CACNA1D: variants seen among roughly 807,000 people sequenced by gnomAD.
CACNA1D encodes voltage-dependent L-type calcium channel subunit alpha-1D.
In CACNA1D, 55 loss-of-function variants were observed where a neutral mutation model predicts 257.1. That is an observed-to-expected ratio of 0.21 (90% CI 0.17 to 0.27). CACNA1D has a LOEUF of 0.27. CACNA1D is among the 10% of genes least tolerant of loss of function. The pLI, the probability that CACNA1D is intolerant of heterozygous loss-of-function variation, is 1.00. For missense variants in CACNA1D, 1,876 were observed against 2,784.0 expected (o/e 0.67, Z 7.34); for synonymous variants, 980 against 1,014.9 (o/e 0.97, Z 0.65).
chr3:53,552,179 T>C (rs973276743), intron 3 of CACNA1D, among the ~76,000 whole-genome samples: 2 of 152,170 alleles, frequency 1.3e-5, no homozygotes, highest in African/African-American at 4.8e-5. Flanking sequence ...GGCTGTATGC[T>C]TGAGGCATTA....
At chr3:53,524,975 C>G (rs3774426) in intron 3 of CACNA1D, among the ~76,000 whole-genome samples, 13 of 152,112 alleles carry the variant, frequency 8.5e-5, no homozygotes, top group African/African-American at 3.1e-4. Context: ...GGGAGAGGCT[C>G]GGGAGAGTGG....
At chr3:53,680,162 T>G (rs535740084) in intron 8 of CACNA1D, among the ~76,000 whole-genome samples, 23 of 152,240 alleles carry the variant, frequency 1.5e-4, no homozygotes, top group African/African-American at 5.3e-4. Context: ...AGCTACTGTT[T>G]CCATAGAAAT....
At chr3:53,605,576 A>G (rs1576058810) in intron 3 of CACNA1D, among the ~76,000 whole-genome samples, 1 of 152,354 alleles carries the variant, frequency 6.6e-6, no homozygotes, top group East Asian at 1.9e-4. Context: ...TCAGGGAAGC[A>G]GTTAGGAAGA....
intron 3 of CACNA1D, among the ~76,000 whole-genome samples, chr3:53,548,625 C>A (rs1473053005): frequency 6.6e-6 from 1 of 152,028 alleles, no homozygotes; most frequent in African/African-American, 2.4e-5. Flanking sequence ...CATCTGGATC[C>A]CCCAAACCCT....
chr3:53,594,829 G>A (rs1331298891), intron 3 of CACNA1D, among the ~76,000 whole-genome samples: 3 of 152,230 alleles, frequency 2.0e-5, no homozygotes, highest in Non-Finnish European at 4.4e-5. Flanking sequence ...CAGGGATCCT[G>A]CTTTTCTTCC....
Position 53,751,925 on chromosome 3 carries a change from C to T in CACNA1D, c.3675+18C>T, listed in dbSNP as rs368212157. ...CCATGCAGGTAAAAATGGAGACAGC[C>T]GTGGGGATCAGGTCCGGGCATTCCG... On this transcript the variant is annotated intron_variant, in intron 28 of 47. Transcript: ENST00000350061. The surrounding 1 kb of genome is among the most constrained non-coding windows in gnomAD (Gnocchi z 4.3). 2.9e-5 allele frequency: 46 copies of T among 1,613,094 alleles called. No individual in the cohort carries two copies. Among genetic ancestry groups the T allele is most frequent in the Non-Finnish European group, 3.6e-5 (42 of 1,179,286 alleles).
intron 1 of CACNA1D, among the ~76,000 whole-genome samples, 189 bp from the exon 2 acceptor site, chr3:53,496,963 C>G (rs935200891): frequency 1.3e-5 from 2 of 152,112 alleles, no homozygotes; most frequent in Admixed American, 6.5e-5. Flanking sequence ...GACCAGAGCT[C>G]GTGGACTTTT....
In CACNA1D at chr3:53,501,676, A is replaced by G. The variant is rs760502506; in HGVS notation, c.439A>G (p.Ile147Val). ...CAATTGTGTGGCCTTAGCTATTTAC[A>G]TCCCATTCCCTGAAGATGATTCTAA... ...FANCVALAIY[I>V]PFPEDDSNST... The change falls in exon 3 of 48, where the codon ATC becomes GTC. Residue 147 changes from isoleucine (I) to valine (V), a missense_variant. By Grantham distance (29) the Ile-to-Val change is conservative. Coordinates refer to ENST00000350061, the MANE Select transcript of CACNA1D (RefSeq NM_001128840.3). The G allele has an allele frequency of 3.7e-6, 6 of 1,603,440 alleles. No individual in the cohort carries two copies. The African/African-American group carries it at 4.0e-5, about 11-fold the overall frequency.
intron 11 of CACNA1D, among the ~76,000 whole-genome samples, chr3:53,721,109 G>T (rs1218666633): frequency 6.6e-6 from 1 of 152,222 alleles, no homozygotes; most frequent in African/African-American, 2.4e-5. Context: ...AAACCCAGCT[G>T]TGAGCGGGAC....
At chr3:53,798,309 G>GTT (rs1559706471) in intron 40 of CACNA1D, among the ~76,000 whole-genome samples, 3 of 68,690 alleles carry the variant, frequency 4.4e-5, no homozygotes, top group Admixed American at 1.3e-4. Flanking sequence ...GTATGTGTGC[G>GTT]TGTGTGTGTG....
intron 20 of CACNA1D, among the ~76,000 whole-genome samples, chr3:53,736,417 A>T (rs1038723421): frequency 6.6e-6 from 1 of 152,234 alleles, no homozygotes; most frequent in Non-Finnish European, 1.5e-5. Flanking sequence ...ATATGTGATT[A>T]TGTTATATAT....
At chr3:53,711,806 T>C (rs917993146) in intron 9 of CACNA1D, among the ~76,000 whole-genome samples, 1 of 152,212 alleles carries the variant, frequency 6.6e-6, no homozygotes, top group African/African-American at 2.4e-5. Flanking sequence ...GATTATCAGA[T>C]ATAAGCCCTT....
intron 3 of CACNA1D, among the ~76,000 whole-genome samples, chr3:53,631,863 A>G (rs1449612425): frequency 2.6e-5 from 4 of 152,250 alleles, no homozygotes; most frequent in African/African-American, 9.6e-5. Context: ...TCTGAGCAGT[A>G]GGTCTCAACA....
At chr3:53,657,333 A>G (rs182460858) in intron 4 of CACNA1D, among the ~76,000 whole-genome samples, 1 of 152,176 alleles carries the variant, frequency 6.6e-6, no homozygotes, top group Non-Finnish European at 1.5e-5. Context: ...AAAGAAAAAA[A>G]AAAACTCTAC....
intron 9 of CACNA1D, chr3:53,710,248 G>A: frequency 2.6e-6 from 1 of 379,168 alleles, no homozygotes; most frequent in Admixed American, 3.3e-5. Context: ...TGCTGAGCTG[G>A]ATTCCTAGCA....
Position 53,650,919 on chromosome 3 carries a change from G to T in CACNA1D, c.623+1G>T. ...TGGATTTTGTTATAGTAATAGTAGG[G>T]TAAGTCTCTTTTACTTTGGGGAAAT... On this transcript the variant is annotated splice_donor_variant, in intron 4 of 47. Transcript: ENST00000350061. LOFTEE classifies it high-confidence loss of function. 1 of 1,597,690 alleles carries T rather than the reference G, an allele frequency of 6.3e-7. No homozygotes were observed.
At chr3:53,514,708 T>G (rs566071292) in intron 3 of CACNA1D, among the ~76,000 whole-genome samples, 37 of 152,250 alleles carry the variant, frequency 2.4e-4, no homozygotes, top group South Asian at 1.2e-3. Flanking sequence ...ATGAAGAAAC[T>G]GAGGCTTGGG....
At chr3:53,532,840 A>G (rs570028875) in intron 3 of CACNA1D, among the ~76,000 whole-genome samples, 1 of 152,272 alleles carries the variant, frequency 6.6e-6, no homozygotes, top group African/African-American at 2.4e-5. Flanking sequence ...CTCTCCTTTT[A>G]TCCAGCGGTG....
At chr3:53,608,538 G>A (rs2093542868) in intron 3 of CACNA1D, among the ~76,000 whole-genome samples, 1 of 152,176 alleles carries the variant, frequency 6.6e-6, no homozygotes, top group Admixed American at 6.5e-5. Flanking sequence ...AGTGACAATG[G>A]AATCCTTGTC....
Sources: gnomAD v4.1 joint callset for allele counts (sites outside exome capture counted in the v4.1 genomes callset) on GRCh38, gnomAD v4.1.1 for gene constraint, Gnocchi (gnomAD v3.1) non-coding constraint, MANE v1.5 for transcripts, NCBI Gene and HGNC (gene_info 2026-07-23, HGNC 2026-07-21) for gene names.